Variants in ADAM9 observed in about 807,000 individuals in gnomAD.
The protein encoded by ADAM9 is ADAM metallopeptidase domain 9.
In ADAM9, 54 loss-of-function variants were observed where a neutral mutation model predicts 108.1. That is an observed-to-expected ratio of 0.50 (90% CI 0.40 to 0.63). The LOEUF is 0.63. ADAM9 is among the 20% of genes least tolerant of loss of function. ADAM9 has a pLI of 0.00. For synonymous variants in ADAM9, 316 were observed against 336.0 expected (o/e 0.94, Z 0.65); for missense variants, 830 against 997.7 (o/e 0.83, Z 2.26).
intron 11 of ADAM9, among the ~76,000 whole-genome samples, chr8:39,035,261 T>G (rs1465874571): frequency 1.3e-5 from 2 of 152,246 alleles, no homozygotes; most frequent in East Asian, 1.9e-4. Context: ...TTATTTCATT[T>G]GTCAAATTTA....
intron 6 of ADAM9, among the ~76,000 whole-genome samples, chr8:39,018,386 C>A (rs1029722412): frequency 1.3e-5 from 2 of 152,082 alleles, no homozygotes; most frequent in Non-Finnish European, 2.9e-5. Context: ...AAATGGCAAC[C>A]TTATTCTAAC....
At chr8:39,030,960 C>CT (rs1326858861) in intron 11 of ADAM9, among the ~76,000 whole-genome samples, 1 of 152,108 alleles carries the variant, frequency 6.6e-6, no homozygotes, top group African/African-American at 2.4e-5. Flanking sequence ...TTAAGAGTTG[C>CT]TTGCATACTT....
intron 14 of ADAM9, among the ~76,000 whole-genome samples, chr8:39,058,256 C>T (rs1838189991): frequency 6.6e-6 from 1 of 152,192 alleles, no homozygotes; most frequent in Non-Finnish European, 1.5e-5. Flanking sequence ...CACATACACA[C>T]ATGCAGCTAT....
intron 11 of ADAM9, among the ~76,000 whole-genome samples, chr8:39,034,623 G>GT (rs1349402854): frequency 1.3e-5 from 2 of 151,974 alleles, no homozygotes; most frequent in Non-Finnish European, 2.9e-5. Context: ...CTTTGTTTCT[G>GT]TTTTTTGAGG....
intron 7 of ADAM9, among the ~76,000 whole-genome samples, chr8:39,020,026 C>T (rs1836682542): frequency 6.6e-6 from 1 of 152,238 alleles, no homozygotes; most frequent in South Asian, 2.1e-4. Flanking sequence ...TGGCTCACGC[C>T]TGTAATCCCA....
chr8:39,004,548 A>G (rs575137560), intron 1 of ADAM9, among the ~76,000 whole-genome samples: 1 of 152,168 alleles, frequency 6.6e-6, no homozygotes, highest in South Asian at 2.1e-4. Context: ...TGATTTACTT[A>G]AAGAGAATTT....
intron 20 of ADAM9, among the ~76,000 whole-genome samples, chr8:39,098,267 TAAAA>T (rs573908143): frequency 6.6e-6 from 1 of 152,124 alleles, no homozygotes; most frequent in Non-Finnish European, 1.5e-5. Flanking sequence ...GATGTGGACT[TAAAA>T]AAACTCCTTT....
chr8:39,071,463 A>ATTTT, intron 15 of ADAM9, 60 bp downstream of exon 15: 1 of 797,758 alleles, frequency 1.3e-6, no homozygotes, highest in Non-Finnish European at 1.9e-6. Flanking sequence ...CATCTCTAGT[A>ATTTT]TCTTTTTTTT....
chr8:39,062,416 CTA>C (rs1450847330), intron 14 of ADAM9, among the ~76,000 whole-genome samples: 1 of 152,106 alleles, frequency 6.6e-6, no homozygotes, highest in Non-Finnish European at 1.5e-5. Flanking sequence ...TTTACTTGGC[CTA>C]GAGTTTTCTT....
At chr8:39,102,020 G>T (rs1372247084) in intron 21 of ADAM9, 90 bp downstream of exon 21, 2 of 1,107,720 alleles carry the variant, frequency 1.8e-6, no homozygotes, top group Non-Finnish European at 2.7e-6. Flanking sequence ...ATGTAATTTA[G>T]TGAAAGGTAT....
In ADAM9 at chr8:39,025,863, C is replaced by T. The variant is rs1836902503; in HGVS notation, c.975C>T (p.Ser325=). The T allele has an allele frequency of 6.2e-7, 1 of 1,613,926 alleles. No individual in the cohort carries two copies. Among genetic ancestry groups the T allele is most frequent in the African/African-American group, 1.3e-5 (1 of 74,900 alleles). The stretch of plus-strand genomic sequence containing the variant: ...TTGTGGGAACAGTGTGTTCAAGGAG[C>T]CACGCAGGCGGGATTAATGTGGTAC... ...MAFVGTVCSR[S]HAGGINVFGQ... The change falls in exon 10 of 22, where the codon AGC becomes AGT. Residue 325 remains serine, a synonymous_variant. Coordinates refer to ENST00000487273, the MANE Select transcript of ADAM9 (RefSeq NM_003816.3).
rs115463779 is a variant in ADAM9 at position 39,076,731 on chromosome 8, C to T, written c.1698-497C>T. Among the ~76,000 whole-genome samples, 382 of 152,188 alleles carry T rather than the reference C, an allele frequency of 2.5e-3. 5 individuals carry two copies. The highest frequency in any genetic ancestry group is 8.8e-3 in the African/African-American group (365 of 41,512). Reference sequence around the variant, plus strand: ...TTCTGATATTTAATTAATGAATTAACGAGTTAATGAATTGATTCTTTAAAT... The same window carrying T: ...TTCTGATATTTAATTAATGAATTAATGAGTTAATGAATTGATTCTTTAAAT... On this transcript the variant is annotated intron_variant, in intron 15 of 21. Coordinates refer to ENST00000487273, the MANE Select transcript of ADAM9 (RefSeq NM_003816.3).
At position 39,073,760 on chromosome 8, in the gene ADAM9, T is replaced by C. The variant is rs551635213; in HGVS notation, c.1697+2357T>C. Among the ~76,000 whole-genome samples the C allele has an allele frequency of 7.2e-5, 11 of 152,310 alleles. No individual in the cohort carries two copies. The South Asian group carries it at 1.9e-3, about 26-fold the overall frequency. On this transcript the variant is annotated intron_variant, in intron 15 of 21. Coordinates refer to ENST00000487273, the MANE Select transcript of ADAM9 (RefSeq NM_003816.3). ...CTTTAGCCTTGTCTTGTTTCATATT[T>C]TTATGAATATCTTATTGAAAATAGC... is the stretch of plus-strand genomic sequence containing the variant.
intron 14 of ADAM9, among the ~76,000 whole-genome samples, chr8:39,069,444 A>T (rs906014220): frequency 2.0e-5 from 3 of 152,224 alleles, no homozygotes; most frequent in African/African-American, 7.2e-5. Flanking sequence ...TCACTAGCTC[A>T]TGCATTCTCA....
intron 14 of ADAM9, among the ~76,000 whole-genome samples, chr8:39,065,416 A>T (rs1174668995): frequency 6.6e-6 from 1 of 151,662 alleles, no homozygotes; most frequent in Non-Finnish European, 1.5e-5. Flanking sequence ...GCTCTTTGGG[A>T]GGCTGAGGTG....
At chr8:39,017,746 G>A (rs540501754) in intron 6 of ADAM9, among the ~76,000 whole-genome samples, 38 of 151,840 alleles carry the variant, frequency 2.5e-4, no homozygotes, top group Admixed American at 1.7e-3. Context: ...GCCACCCACC[G>A]TGCCTGGCTA....
intron 14 of ADAM9, among the ~76,000 whole-genome samples, chr8:39,056,921 C>T (rs1037518049): frequency 3.3e-5 from 5 of 152,150 alleles, no homozygotes; most frequent in Admixed American, 6.5e-5. Flanking sequence ...TTTATGTATA[C>T]AGTCATATAC....
chr8:39,072,113 A>G (rs1197071760), intron 15 of ADAM9, among the ~76,000 whole-genome samples: 1 of 152,244 alleles, frequency 6.6e-6, no homozygotes, highest in Non-Finnish European at 1.5e-5. Context: ...ATGAATTTAA[A>G]ATATTTTATA....
At position 39,023,183 on chromosome 8, in the gene ADAM9, G is replaced by A. The variant is rs1564256459; in HGVS notation, c.772G>A (p.Val258Met). 1.2e-6 allele frequency: 2 copies of A among 1,612,966 alleles called. No individual in the cohort carries two copies. The highest frequency in any genetic ancestry group is 2.2e-5 in the East Asian group (1 of 44,852). ...GTATATTATGTTAAATATTCGAATT[G>A]TGCTAGTTGGACTGGAGATTTGGAC... ...SMYIMLNIRI[V>M]LVGLEIWTNG... The change falls in exon 9 of 22, where the codon GTG becomes ATG. Residue 258 changes from valine to methionine, a missense_variant. Physicochemically the swap from Val to Met is conservative, Grantham distance 21 (BLOSUM62 1). This residue lies in a region of ADAM9 where 381 missense variants were observed against 539.8 expected (regional missense o/e 0.71). Coordinates refer to ENST00000487273, the MANE Select transcript of ADAM9 (RefSeq NM_003816.3).
Sources: allele counts gnomAD v4.1 joint callset (sites outside exome capture counted in the v4.1 genomes callset), GRCh38; gene constraint gnomAD v4.1.1; regional missense constraint gnomAD v4.1.1; transcripts MANE v1.5; gene names NCBI Gene and HGNC (gene_info 2026-07-23, HGNC 2026-07-21).